BAZ1A: variants seen among roughly 807,000 people sequenced by gnomAD.
BAZ1A encodes the protein bromodomain adjacent to zinc finger domain 1A.
In BAZ1A, 50 loss-of-function variants were observed where a neutral mutation model predicts 185.2. The ratio of observed to expected loss-of-function variants is 0.27; its 90% CI spans 0.22 to 0.34. The LOEUF (loss-of-function observed/expected upper bound fraction) is 0.34. Among genes scored for constraint, BAZ1A ranks in the 10% least tolerant of loss-of-function variants. The pLI is 1.00. For synonymous variants in BAZ1A, 571 were observed against 615.6 expected, an observed-to-expected ratio of 0.93 and a Z score of 1.07; for missense variants, 1,356 against 1,839.9, an observed-to-expected ratio of 0.74 and a Z score of 4.81.
At chr14:34,791,326 T>C (rs1250478330) in intron 12 of BAZ1A, among the ~76,000 whole-genome samples, 1 of 152,222 alleles carries the variant, frequency 6.6e-6, no homozygotes, top group African/African-American at 2.4e-5. Flanking sequence ...ATGTCTTGTA[T>C]TGTTAGAATT....
intron 4 of BAZ1A, chr14:34,816,640 C>A: frequency 5.1e-6 from 1 of 194,774 alleles, no homozygotes; most frequent in Non-Finnish European, 1.1e-5. Context: ...GCATCATTCA[C>A]ATACTAATCT....
At chr14:34,770,797 C>T (rs1385149989) in intron 21 of BAZ1A, among the ~76,000 whole-genome samples, 1 of 152,126 alleles carries the variant, frequency 6.6e-6, no homozygotes, top group African/African-American at 2.4e-5. Flanking sequence ...TTTCCTCACC[C>T]GTGTTCCTTT....
chr14:34,825,047 C>T (rs2042145833), intron 4 of BAZ1A, among the ~76,000 whole-genome samples: 1 of 152,192 alleles, frequency 6.6e-6, no homozygotes, highest in African/African-American at 2.4e-5. Context: ...TCTCCAACAG[C>T]ACCCAGCTGA....
At chr14:34,817,557 C>A (rs2042025230) in intron 4 of BAZ1A, among the ~76,000 whole-genome samples, 1 of 152,244 alleles carries the variant, frequency 6.6e-6, no homozygotes, top group Non-Finnish European at 1.5e-5. Flanking sequence ...TGTTGCGCAA[C>A]AGCCTGGCAA....
chr14:34,866,533 C>CA (rs2042864742), intron 2 of BAZ1A, among the ~76,000 whole-genome samples: 1 of 103,074 alleles, frequency 9.7e-6, no homozygotes, highest in African/African-American at 3.3e-5. Flanking sequence ...CCTATAGAAA[C>CA]AAACATATCT....
At chr14:34,835,657 G>C (rs1156321651) in intron 3 of BAZ1A, among the ~76,000 whole-genome samples, 1 of 150,990 alleles carries the variant, frequency 6.6e-6, no homozygotes, top group African/African-American at 2.5e-5. Flanking sequence ...GTAATAAGCT[G>C]AACATGGAAA....
At chr14:34,760,602 C>T (rs542632585) in intron 24 of BAZ1A, among the ~76,000 whole-genome samples, 1 of 150,780 alleles carries the variant, frequency 6.6e-6, no homozygotes, top group South Asian at 2.1e-4. Flanking sequence ...GTAATCCCAA[C>T]ATTTGGGAGG....
At chr14:34,812,289 T>A (rs2138680415) in intron 4 of BAZ1A, among the ~76,000 whole-genome samples, 1 of 151,892 alleles carries the variant, frequency 6.6e-6, no homozygotes, top group East Asian at 1.9e-4. Flanking sequence ...ATGAATTTTT[T>A]AAAAAAGAGA....
At chr14:34,860,328 T>C (rs1201157911) in intron 3 of BAZ1A, among the ~76,000 whole-genome samples, 2 of 151,224 alleles carry the variant, frequency 1.3e-5, no homozygotes, top group Admixed American at 6.6e-5. Flanking sequence ...GGCAACATGG[T>C]GAAACCCCGT....
intron 5 of BAZ1A, among the ~76,000 whole-genome samples, 192 bp from the exon 6 acceptor site, chr14:34,807,730 A>G (rs2138670214): frequency 6.6e-6 from 1 of 152,332 alleles, no homozygotes; most frequent in East Asian, 1.9e-4. Flanking sequence ...GGAAGTTATA[A>G]GATCTACATG....
intron 23 of BAZ1A, 50 bp from the exon 24 acceptor site, chr14:34,762,273 A>G (rs913902166): frequency 3.3e-6 from 5 of 1,522,416 alleles, no homozygotes; most frequent in Admixed American, 1.8e-5. Context: ...AATGATGAAC[A>G]TATGATTAGC....
chr14:34,780,495 T>A (rs1879966416), intron 16 of BAZ1A, among the ~76,000 whole-genome samples, 185 bp from the exon 17 acceptor site: 1 of 152,046 alleles, frequency 6.6e-6, no homozygotes, highest in South Asian at 2.1e-4. Context: ...ATGTAATAAG[T>A]ACTAAAACAA....
chr14:34,826,541 A>G (rs544512928), intron 3 of BAZ1A, among the ~76,000 whole-genome samples: 1 of 152,168 alleles, frequency 6.6e-6, no homozygotes, highest in Admixed American at 6.5e-5. Flanking sequence ...GCTGTATCCC[A>G]TAAATTTTGG....
intron 4 of BAZ1A, among the ~76,000 whole-genome samples, chr14:34,812,944 C>T (rs1002421678): frequency 1.3e-5 from 2 of 151,836 alleles, no homozygotes; most frequent in Admixed American, 1.3e-4. Flanking sequence ...TGCACCTGTA[C>T]TATATGGAGT....
rs1566602375 is a variant in BAZ1A, at chr14:34,862,032, A to G, written c.392+12T>C. 2 of 1,606,050 alleles carry G rather than the reference A, an allele frequency of 1.2e-6. No individual in the cohort carries two copies. The highest frequency in any genetic ancestry group is 1.7e-5 in the Admixed American group (1 of 58,624). ...ATAAACTTACCAAGAGGAAAAATTA[A>G]AAGTACTTTACCTTGCACCATTGTT... On this transcript the variant is annotated intron_variant, in intron 3 of 26. Transcript: ENST00000360310.
intron 2 of BAZ1A, among the ~76,000 whole-genome samples, chr14:34,864,462 G>A (rs1164852672): frequency 2.7e-5 from 4 of 149,266 alleles, no homozygotes; most frequent in African/African-American, 9.9e-5. Flanking sequence ...TTTTTTTAAT[G>A]AGCATTACTC....
In BAZ1A at chr14:34,753,652, G is replaced by A; in HGVS notation, c.4527C>T (p.Asn1509=). Residue 1509 remains asparagine, a synonymous_variant, in exon 27 of 27, where the codon AAC becomes AAT. Coordinates refer to ENST00000360310, the MANE Select transcript of BAZ1A (RefSeq NM_013448.3). ...CTTTTGCTTCACTTGTGTTACGAGGGTTGTATTCAAAGCAGTTCGAAAACA... is the reference window on the plus strand; with the variant it reads ...CTTTTGCTTCACTTGTGTTACGAGGATTGTATTCAAAGCAGTTCGAAAACA... ...ELMFSNCFEY[N]PRNTSEAKAG... The A allele has an allele frequency of 6.2e-7, 1 of 1,613,158 alleles. No homozygotes were observed. Among genetic ancestry groups the A allele is most frequent in the African/African-American group, 1.3e-5 (1 of 75,006 alleles).
At chr14:34,822,359 C>A (rs1464841172) in intron 4 of BAZ1A, among the ~76,000 whole-genome samples, 1 of 151,902 alleles carries the variant, frequency 6.6e-6, no homozygotes, top group Non-Finnish European at 1.5e-5. Context: ...CATGGGGGCT[C>A]ATGCCTGTAA....
chr14:34,787,386 A>G (rs118125598), intron 12 of BAZ1A, among the ~76,000 whole-genome samples: 8,733 of 147,304 alleles, frequency 0.059, 385 homozygotes, highest in Middle Eastern at 0.094. Flanking sequence ...AAACTTCCCA[A>G]TCCAAAAACC....
Sources: allele counts gnomAD v4.1 joint callset (sites outside exome capture counted in the v4.1 genomes callset), GRCh38; gene constraint gnomAD v4.1.1; transcripts MANE v1.5; gene names NCBI Gene and HGNC (gene_info 2026-07-23, HGNC 2026-07-21).